Variants in IL12RB1 observed in about 807,000 individuals in gnomAD.
IL12RB1 encodes interleukin-12 receptor subunit beta-1.
Under a neutral mutation model 94.4 loss-of-function variants are expected in IL12RB1, and 64 were observed. The ratio of observed to expected loss-of-function variants is 0.68; its 90% CI spans 0.55 to 0.83. IL12RB1 has a LOEUF of 0.83. IL12RB1 is among the 40% of genes least tolerant of loss of function. IL12RB1 has a pLI of 0.00. For synonymous variants in IL12RB1, 362 were observed against 355.5 expected (o/e 1.02, Z -0.21); for missense variants, 814 against 855.6 (o/e 0.95, Z 0.61).
intron 9 of IL12RB1, chr19:18,071,273 G>A: frequency 2.0e-6 from 1 of 505,640 alleles, no homozygotes; most frequent in Non-Finnish European, 3.5e-6. Context: ...TCGGGAGGCT[G>A]AAGCAGGAGA....
chr19:18,067,858 G>A (rs1387770795), intron 11 of IL12RB1, among the ~76,000 whole-genome samples: 5 of 151,896 alleles, frequency 3.3e-5, no homozygotes, highest in Non-Finnish European at 7.4e-5. Context: ...CACCATGGCT[G>A]GCAAACTTTT....
rs754187694 is a variant in IL12RB1 at position 18,083,447 on chromosome 19, G to T, written c.109C>A (p.Pro37Thr). The T allele has an allele frequency of 3.4e-5, 55 of 1,613,910 alleles. 2 individuals carry two copies. In the East Asian group the frequency reaches 1.2e-3, roughly 36 times the overall value. Residue 37 changes from proline to threonine, a missense_variant, in exon 2 of 17, where the codon CCG (proline) becomes ACG (threonine). Transcript: ENST00000593993. ...TGCCCCGAACCTGAGTCTGCATCCGGATATGGCGGGTCCTGAAAACAGCAC... is the reference window on the plus strand; with the variant it reads ...TGCCCCGAACCTGAGTCTGCATCCGTATATGGCGGGTCCTGAAAACAGCAC... ...SECCFQDPPY[P>T]DADSGSASGP...
intron 2 of IL12RB1, among the ~76,000 whole-genome samples, chr19:18,082,694 T>C (rs2035999819): frequency 6.6e-6 from 1 of 152,242 alleles, no homozygotes; most frequent in Non-Finnish European, 1.5e-5. Context: ...ACATAGAAGA[T>C]GCTCAGTAAA....
intron 3 of IL12RB1, among the ~76,000 whole-genome samples, chr19:18,081,761 A>G (rs1036533321): frequency 6.6e-6 from 1 of 152,040 alleles, no homozygotes; most frequent in African/African-American, 2.4e-5. Context: ...CAGAGGTTGC[A>G]GTGAGCTGAC....
At position 18,060,049 on chromosome 19, in the gene IL12RB1, C is replaced by A. The variant is rs1251303688; in HGVS notation, c.1828G>T (p.Glu610Ter). The change falls in exon 16 of 17, where the codon GAG becomes TAG. Residue 610 changes from glutamate to a stop codon, truncating the protein, a stop_gained. Coordinates refer to ENST00000593993, the MANE Select transcript of IL12RB1 (RefSeq NM_005535.3). LOFTEE classifies it high-confidence loss of function. Reference sequence around the variant, plus strand: ...ACCAGGGCCTCCTGCAGGGATGCCTCTTCCTGGAAGTCCACTGGGTTGATC... The same window carrying A: ...ACCAGGGCCTCCTGCAGGGATGCCTATTCCTGGAAGTCCACTGGGTTGATC... Reference protein sequence around the residue: ...QWINPVDFQEEASLQEALVVE... With the variant: ...QWINPVDFQE The A allele has an allele frequency of 6.2e-7, 1 of 1,607,168 alleles. No homozygotes were observed. Among genetic ancestry groups the A allele is most frequent in the Non-Finnish European group, 8.5e-7 (1 of 1,174,866 alleles).
At chr19:18,075,651 C>G (rs2035417334) in intron 7 of IL12RB1, 98 bp downstream of exon 7, 1 of 1,093,170 alleles carries the variant, frequency 9.1e-7, no homozygotes, top group Non-Finnish European at 1.4e-6. Flanking sequence ...CCCGCCTCAG[C>G]CTTCTGAGCA....
At chr19:18,087,804 G>A (rs575937501), upstream of IL12RB1, among the ~76,000 whole-genome samples, 3 of 152,202 alleles carry the variant, frequency 2.0e-5, no homozygotes, top group African/African-American at 7.2e-5. Flanking sequence ...TCACAGGCGT[G>A]AGCCACCGCA....
upstream of IL12RB1, among the ~76,000 whole-genome samples, chr19:18,089,911 T>TCCTGGG (rs11283307): frequency 0.011 from 1,733 of 152,278 alleles, 29 homozygotes; most frequent in African/African-American, 0.04. Context: ...AGACTCAGTG[T>TCCTGGG]CCTGGGCCTG....
At chr19:18,077,347 G>C (rs1351427902) in intron 5 of IL12RB1, among the ~76,000 whole-genome samples, 169 bp downstream of exon 5, 1 of 151,666 alleles carries the variant, frequency 6.6e-6, no homozygotes, top group Admixed American at 6.6e-5. Context: ...GGGCGACAGA[G>C]CAAGGCTCCG....
Position 18,094,638 on chromosome 19 carries a change from A to G in IL12RB1, c.-229-3869T>C, listed in dbSNP as rs370892584. On this transcript the variant is annotated intron_variant, in intron 1 of 4. Transcript: ENST00000594176. Reference sequence around the variant, plus strand: ...CAGCACGTTGGGAAGCCAAGGCAGGAGGATCGCTTGAGCCCAAGATTTTGA... The same window carrying G: ...CAGCACGTTGGGAAGCCAAGGCAGGGGGATCGCTTGAGCCCAAGATTTTGA... Among the ~76,000 whole-genome samples, 5 of 152,286 alleles carry G rather than the reference A, an allele frequency of 3.3e-5. No homozygotes were observed. The East Asian group carries it at 7.7e-4, about 24-fold the overall frequency.
chr19:18,068,433 G>T lies in IL12RB1; in HGVS notation c.1283C>A (p.Thr428Asn), dbSNP rs867396174. 6.2e-7 allele frequency: 1 copy of T among 1,613,424 alleles called. No homozygotes were observed. The highest frequency in any genetic ancestry group is 1.3e-5 in the African/African-American group (1 of 74,918). The change falls in exon 11 of 17, where the codon ACC becomes AAC. Residue 428 changes from threonine to asparagine, a missense_variant. Transcript: ENST00000593993. Reference protein sequence around the residue: ...IFASAHPEKLTLWSTVLSTYH... With the variant: ...IFASAHPEKLNLWSTVLSTYH... The stretch of plus-strand genomic sequence containing the variant: ...GGTGGACAGGACCGTAGACCACAAG[G>T]TGAGCTTCTCGGGGTGCGCAGAGGC...
At chr19:18,075,977 G>T in intron 6 of IL12RB1, 109 bp from the exon 7 acceptor site, 1 of 1,111,382 alleles carries the variant, frequency 9.0e-7, no homozygotes, top group Non-Finnish European at 1.4e-6. Context: ...AGAGCCACGT[G>T]CTGGGTCCTG....
chr19:18,083,851 C>T (rs1312388784), intron 1 of IL12RB1, among the ~76,000 whole-genome samples: 41 of 149,092 alleles, frequency 2.7e-4, no homozygotes, highest in Admixed American at 2.7e-3. Context: ...ACTCATCCAT[C>T]CATCCACTCA....
At chr19:18,066,462 C>A in intron 12 of IL12RB1, 80 bp downstream of exon 12, 1 of 1,032,880 alleles carries the variant, frequency 9.7e-7, no homozygotes, top group South Asian at 1.3e-5. Flanking sequence ...CGGCAAGGTG[C>A]CCAGGGTCAC....
chr19:18,097,856 G>C (rs1003534086), intron 1 of IL12RB1: 10 of 1,227,446 alleles, frequency 8.1e-6, no homozygotes, highest in Non-Finnish European at 1.0e-5. Context: ...CGGGCGGGCG[G>C]AAGGCAGAGG....
chr19:18,070,674 C>T (rs1405747825), intron 9 of IL12RB1: 1 of 275,764 alleles, frequency 3.6e-6, no homozygotes, highest in East Asian at 1.7e-4. Flanking sequence ...TACGGTGGCT[C>T]ACGCCTGTAA....
Position 18,075,826 on chromosome 19 carries a change from A to G in IL12RB1, c.623T>C (p.Phe208Ser), listed in dbSNP as rs1459273559. 6.2e-7 allele frequency: 1 copy of G among 1,612,868 alleles called. No individual in the cohort carries two copies. The highest frequency in any genetic ancestry group is 1.1e-5 in the South Asian group (1 of 91,046). Residue 208 changes from phenylalanine (F) to serine (S), a missense_variant, in exon 7 of 17, where the codon TTC (phenylalanine) becomes TCC (serine). Transcript: ENST00000593993. ...CCCCAGCTGCCGTCGTCGGAGCTGG[A>G]ATTCCTGGGCCACATTCATCTCCAG... ...CPLEMNVAQEFQLRRRQLGSQ... is the reference protein window; with the variant it reads ...CPLEMNVAQESQLRRRQLGSQ...
chr19:18,079,959 C>T (rs2035771139), intron 4 of IL12RB1, among the ~76,000 whole-genome samples: 1 of 152,188 alleles, frequency 6.6e-6, no homozygotes, highest in Non-Finnish European at 1.5e-5. Flanking sequence ...GTTTTTGTTT[C>T]TGTGCCTGGC....
At chr19:18,061,070 TC>T in intron 15 of IL12RB1, 51 bp downstream of exon 15, 1 of 939,474 alleles carries the variant, frequency 1.1e-6, no homozygotes, top group South Asian at 1.4e-5. Flanking sequence ...GTAACCCTTG[TC>T]CAGCATGTGC....
Sources: gnomAD v4.1 joint callset for allele counts (sites outside exome capture counted in the v4.1 genomes callset) on GRCh38, gnomAD v4.1.1 for gene constraint, MANE v1.5 for transcripts, NCBI Gene and HGNC (gene_info 2026-07-23, HGNC 2026-07-21) for gene names.